The following FAT3 variants were observed in gnomAD, a reference collection of about 807,000 sequenced individuals.
FAT3 encodes FAT atypical cadherin 3.
Under a neutral mutation model 310.2 loss-of-function variants are expected in FAT3, and 95 were observed. The observed-to-expected ratio is 0.31, with a 90% CI of 0.26 to 0.36. FAT3 has a LOEUF of 0.36. FAT3 is among the 10% of genes least tolerant of loss of function. The pLI is 1.00. For synonymous variants in FAT3, 2,314 were observed against 2,192.9 expected (o/e 1.06, Z -1.54); for missense variants, 5,408 against 5,715.6 (o/e 0.95, Z 1.74).
chr11:92,586,780 G>T (rs903056767), intron 3 of FAT3, among the ~76,000 whole-genome samples: 2 of 151,986 alleles, frequency 1.3e-5, no homozygotes, highest in African/African-American at 2.4e-5. Flanking sequence ...TTTTTGGGGG[G>T]AACATACTTT....
rs866137957 is a variant in FAT3 at position 92,598,233 on chromosome 11, T to A, written c.3607+73285T>A. On this transcript the variant is annotated intron_variant, in intron 3 of 27. Coordinates refer to ENST00000525166, the MANE Select transcript of FAT3 (RefSeq NM_001367949.2). ...ATGTATACATATATATATATATATTTTTTTTTTTTTTGAGACAAAGTCTCA... is the reference window on the plus strand; with the variant it reads ...ATGTATACATATATATATATATATTATTTTTTTTTTTGAGACAAAGTCTCA... Among the ~76,000 whole-genome samples, 241 of 146,394 alleles carry A rather than the reference T, an allele frequency of 1.6e-3. 1 individual carries two copies. Among genetic ancestry groups the A allele is most frequent in the East Asian group, 4.1e-3 (21 of 5,100 alleles).
At chr11:92,251,418 A>G (rs1307373561) in intron 1 of FAT3, among the ~76,000 whole-genome samples, 1 of 152,182 alleles carries the variant, frequency 6.6e-6, no homozygotes, top group Non-Finnish European at 1.5e-5. Context: ...TTAGAATGTG[A>G]CAGGCAAAAA....
intron 2 of FAT3, among the ~76,000 whole-genome samples, chr11:92,372,341 G>T (rs1043299402): frequency 6.6e-6 from 1 of 151,436 alleles, no homozygotes; most frequent in Non-Finnish European, 1.5e-5. Context: ...CGATGTTTAG[G>T]TGTCTGTGGT....
chr11:92,352,850 G>C lies in FAT3; in HGVS notation c.738G>C (p.Val246=), dbSNP rs370122394. Residue 246 remains valine (V), a synonymous_variant, in exon 2 of 28, where the codon GTG becomes GTC. Coordinates refer to ENST00000525166, the MANE Select transcript of FAT3 (RefSeq NM_001367949.2). The stretch of plus-strand genomic sequence containing the variant: ...TGAAACTGTATGGGAACAATGGAGT[G>C]AGCAGTACTGCAAAGCTTTATGTTC... ...RGMKLYGNNG[V]SSTAKLYVHI... 5 of 1,613,788 alleles carry C rather than the reference G, an allele frequency of 3.1e-6. No individual in the cohort carries two copies. The African/African-American group carries it at 6.7e-5, about 22-fold the overall frequency.
At position 92,527,884 on chromosome 11, in the gene FAT3, T is replaced by C. The variant is rs567570008; in HGVS notation, c.3607+2936T>C. On this transcript the variant is annotated intron_variant, in intron 3 of 27. Transcript: ENST00000525166. Reference sequence around the variant, plus strand: ...AGACAGAGGCATACTAACCAGTATATTTAGGAAAGATTTATGCTTTAGATT... The same window carrying C: ...AGACAGAGGCATACTAACCAGTATACTTAGGAAAGATTTATGCTTTAGATT... Among the ~76,000 whole-genome samples the C allele has an allele frequency of 2.0e-5, 3 of 152,336 alleles. No homozygotes were observed. In the South Asian group the frequency reaches 6.2e-4, roughly 32 times the overall value.
intron 4 of FAT3, among the ~76,000 whole-genome samples, chr11:92,708,628 A>G (rs992356183): frequency 1.2e-4 from 18 of 152,252 alleles, no homozygotes; most frequent in African/African-American, 4.1e-4. Flanking sequence ...TTGTGACAAA[A>G]TTCAGAACAC....
intron 1 of FAT3, among the ~76,000 whole-genome samples, chr11:92,257,474 A>G (rs981596428): frequency 3.3e-5 from 5 of 152,132 alleles, no homozygotes; most frequent in African/African-American, 1.2e-4. Context: ...TGGGTCGGAC[A>G]TAATTACCTA....
At chr11:92,535,154 C>T (rs772658369) in intron 3 of FAT3, among the ~76,000 whole-genome samples, 25 of 152,066 alleles carry the variant, frequency 1.6e-4, no homozygotes, top group Non-Finnish European at 2.8e-4. Flanking sequence ...TAAAATACTC[C>T]GTATGCCAAG....
intron 13 of FAT3, among the ~76,000 whole-genome samples, chr11:92,814,812 CACATATAT>C (rs1947779147): frequency 6.6e-6 from 1 of 152,148 alleles, no homozygotes; most frequent in Non-Finnish European, 1.5e-5. Flanking sequence ...ACCACCATGG[CACATATAT>C]ACCTGTGTAA....
At chr11:92,547,320 C>T (rs902771978) in intron 3 of FAT3, among the ~76,000 whole-genome samples, 2 of 152,028 alleles carry the variant, frequency 1.3e-5, no homozygotes, top group Non-Finnish European at 2.9e-5. Flanking sequence ...TTGTGAAATC[C>T]CCTGATTATT....
rs201449521 is a variant in FAT3, at chr11:92,837,690, G to T, written c.10252G>T (p.Ala3418Ser). The change falls in exon 17 of 28, where the codon GCC (alanine) becomes TCC (serine). Residue 3418 changes from alanine (A) to serine (S), a missense_variant. Ala to Ser is a moderately conservative substitution (Grantham distance 99). Around this residue, in one of 5 missense-constraint regions of FAT3, gnomAD observed 4,588 missense variants for 4,809.8 expected, o/e 0.95. Coordinates refer to ENST00000525166, the MANE Select transcript of FAT3 (RefSeq NM_001367949.2). ...GTCTGGATACTCTCTGCTTGTCCAG[G>T]CCGTAGACAGTGGCATTCCTGCAAT... Reference protein sequence around the residue: ...RVSGYSLLVQAVDSGIPAMSS... With the variant: ...RVSGYSLLVQSVDSGIPAMSS... 2.7e-3 allele frequency: 4,316 copies of T among 1,613,852 alleles called. 12 individuals carry two copies. The highest frequency in any genetic ancestry group is 3.2e-3 in the Non-Finnish European group (3,780 of 1,179,858).
intron 1 of FAT3, among the ~76,000 whole-genome samples, chr11:92,263,539 G>A (rs1163707897): frequency 6.6e-6 from 1 of 151,838 alleles, no homozygotes; most frequent in African/African-American, 2.4e-5. Flanking sequence ...AAGATTACAG[G>A]AGATGTGAAT....
rs1376978765 is a variant in FAT3 at position 92,866,992 on chromosome 11, G to C, written c.11910G>C (p.Leu3970=). Residue 3970 remains leucine (L), a synonymous_variant, in exon 22 of 28, where the codon CTG becomes CTC. Coordinates refer to ENST00000525166, the MANE Select transcript of FAT3 (RefSeq NM_001367949.2). ...TGCAAGCGGATAACATCCGCAGCCT[G>C]ACTGACACGCGGGTCACGCAGGTGC... is the stretch of plus-strand genomic sequence containing the variant. ...ALVQADNIRS[L]TDTRVTQVLS... is the part of the protein sequence containing the mutation. The C allele has an allele frequency of 6.2e-7, 1 of 1,609,710 alleles. No homozygotes were observed.
At chr11:92,837,137 T>C (rs1312302847) in intron 16 of FAT3, among the ~76,000 whole-genome samples, 1 of 152,196 alleles carries the variant, frequency 6.6e-6, no homozygotes, top group African/African-American at 2.4e-5. Context: ...TTCTAAACAT[T>C]GTCTTTCTTG....
chr11:92,705,583 GGTGGTGTGAT>G (rs1944283018), intron 4 of FAT3, among the ~76,000 whole-genome samples: 1 of 29,610 alleles, frequency 3.4e-5, no homozygotes, highest in Non-Finnish European at 6.3e-5. Flanking sequence ...TGGTGATGGT[GGTGGTGTGAT>G]GTGGTGGTGT....
chr11:92,775,861 C>T (rs1946584841), intron 7 of FAT3, among the ~76,000 whole-genome samples: 1 of 152,018 alleles, frequency 6.6e-6, no homozygotes, highest in Admixed American at 6.6e-5. Context: ...ATATGGTCAC[C>T]CTATCGAAAA....
At chr11:92,442,111 A>ATTTTTTTTTTTT (rs869097021) in intron 2 of FAT3, among the ~76,000 whole-genome samples, 8 of 45,218 alleles carry the variant, frequency 1.8e-4, no homozygotes, top group South Asian at 1.4e-3. Flanking sequence ...ATATATATAT[A>ATTTTTTTTTTTT]TTTTTTTTTT....
At chr11:92,717,417 A>G (rs749813739) in intron 4 of FAT3, among the ~76,000 whole-genome samples, 95 of 152,276 alleles carry the variant, frequency 6.2e-4, no homozygotes, top group African/African-American at 2.2e-3. Context: ...GAGCAGTTGT[A>G]TCCTCTCACA....
intron 13 of FAT3, among the ~76,000 whole-genome samples, chr11:92,827,666 A>T (rs1044795742): frequency 6.6e-6 from 1 of 152,208 alleles, no homozygotes; most frequent in African/African-American, 2.4e-5. Flanking sequence ...GACTCCATTT[A>T]TAAACCTTCC....
Sources: allele counts gnomAD v4.1 joint callset (sites outside exome capture counted in the v4.1 genomes callset), GRCh38; gene constraint gnomAD v4.1.1; regional missense constraint gnomAD v4.1.1; transcripts MANE v1.5; gene names NCBI Gene and HGNC (gene_info 2026-07-23, HGNC 2026-07-21).